Variants in CDKL1 observed in about 807,000 individuals in gnomAD.
CDKL1 encodes cyclin dependent kinase like 1.
In CDKL1, 41 loss-of-function variants were observed where a neutral mutation model predicts 42.0. The ratio of observed to expected loss-of-function variants is 0.98; its 90% CI spans 0.76 to 1.27. The LOEUF (loss-of-function observed/expected upper bound fraction) is 1.27, where lower values mean the gene tolerates loss of function less well. Among genes scored for constraint, CDKL1 ranks in the 50% most tolerant of loss-of-function variants. CDKL1 has a pLI of 0.00. For missense variants in CDKL1, 394 were observed against 428.4 expected, an observed-to-expected ratio of 0.92 and a Z score of 0.71; for synonymous variants, 153 against 158.6, an observed-to-expected ratio of 0.96 and a Z score of 0.26.
chr14:50,362,958 C>A (rs763305341), intron 2 of CDKL1: 1 of 464,900 alleles, frequency 2.2e-6, no homozygotes, highest in African/African-American at 2.0e-5. Context: ...CTGCTGCTCA[C>A]GCTTTGGGTC....
intron 6 of CDKL1, among the ~76,000 whole-genome samples, chr14:50,340,700 CCATGAAAG>C (rs1383257627): frequency 6.6e-6 from 1 of 152,110 alleles, no homozygotes; most frequent in Non-Finnish European, 1.5e-5. Context: ...ACAAGGTAAA[CCATGAAAG>C]CATTCTGTAA....
chr14:50,372,558 A>C (rs1176193594), intron 2 of CDKL1, among the ~76,000 whole-genome samples: 1 of 152,188 alleles, frequency 6.6e-6, no homozygotes, highest in South Asian at 2.1e-4. Context: ...ATGTAATCCA[A>C]ATTGTCCATT....
intron 7 of CDKL1, chr14:50,336,248 GC>G: frequency 1.6e-6 from 2 of 1,284,208 alleles, no homozygotes; most frequent in Non-Finnish European, 2.0e-6. Context: ...AACCAGTGCA[GC>G]CCCCGCACTG....
At position 50,332,310 on chromosome 14, in the gene CDKL1, C is replaced by G; in HGVS notation, c.918G>C (p.Lys306Asn). Residue 306 changes from lysine to asparagine, a missense_variant, in exon 9 of 10, where the codon AAG (lysine) becomes AAC (asparagine). Lys to Asn is a moderately conservative substitution (Grantham distance 94, BLOSUM62 0). Coordinates refer to ENST00000395834, the MANE Select transcript of CDKL1 (RefSeq NM_004196.7). Reference sequence around the variant, plus strand: ...GGTGCTTTCGGCTCTTTCTTAGGGTCTTCCTTGTTGGTTTGTTGTGTTCTT... The same window carrying G: ...GGTGCTTTCGGCTCTTTCTTAGGGTGTTCCTTGTTGGTTTGTTGTGTTCTT... ...LAKEHNKPTR[K>N]TLRKSRKHHC... The G allele has an allele frequency of 6.2e-7, 1 of 1,614,118 alleles. No homozygotes were observed. Among genetic ancestry groups the G allele is most frequent in the Non-Finnish European group, 8.5e-7 (1 of 1,180,008 alleles).
chr14:50,330,193 A>T lies in CDKL1; in HGVS notation c.967-12T>A. On this transcript the variant is annotated splice_polypyrimidine_tract_variant and intron_variant, in intron 9 of 9. Transcript: ENST00000395834. ...GGTAGGTACTGCAACTAAAAATGCA[A>T]AACACAGAATTAGGTTCAAAACTGT... 6.3e-7 allele frequency: 1 copy of T among 1,598,544 alleles called. No individual in the cohort carries two copies. Among genetic ancestry groups the T allele is most frequent in the Non-Finnish European group, 8.5e-7 (1 of 1,176,944 alleles).
chr14:50,354,377 T>C (rs2033994449), intron 3 of CDKL1, among the ~76,000 whole-genome samples: 1 of 152,226 alleles, frequency 6.6e-6, no homozygotes, highest in Non-Finnish European at 1.5e-5. Context: ...TGCAGTAATG[T>C]ACATTACCCA....
At chr14:50,342,921 G>A (rs765638794) in intron 4 of CDKL1, 22 of 1,345,056 alleles carry the variant, frequency 1.6e-5, no homozygotes, top group Middle Eastern at 2.1e-4. Context: ...GGGGAGAGTC[G>A]CTAGATGTCA....
intron 3 of CDKL1, among the ~76,000 whole-genome samples, chr14:50,351,445 T>G (rs2033898973): frequency 6.6e-6 from 1 of 151,914 alleles, no homozygotes; most frequent in Non-Finnish European, 1.5e-5. Context: ...TAAAATGAGT[T>G]GGGGTGGGGC....
rs57657571 is a variant in CDKL1 at position 50,329,036 on chromosome 14, C to CATATATATATATATATATATAT, written c.*1016_*1037dup. 1 of 140,564 alleles carries CATATATATATATATATATATAT rather than the reference C, an allele frequency of 7.1e-6. No homozygotes were observed. The highest frequency in any genetic ancestry group is 1.5e-5 in the Non-Finnish European group (1 of 65,156). The allele number at this position is 140,564 out of a possible 1,614,324, so 8.7% of individuals were successfully genotyped here. A position where few individuals can be genotyped will look rare whatever the true frequency, so the allele number is the denominator to read the frequency against. On this transcript the variant is annotated 3_prime_UTR_variant, in exon 10 of 10. Coordinates refer to ENST00000395834, the MANE Select transcript of CDKL1 (RefSeq NM_004196.7). ...TGTAATATATTAGTTGTTAGAATAG[C>CATATATATATATATATATATAT]ATATATATATATATATATATATATA...
At chr14:50,382,542 CTCCT>C (rs60843582) in intron 2 of CDKL1, among the ~76,000 whole-genome samples, 44 of 144,920 alleles carry the variant, frequency 3.0e-4, no homozygotes, top group African/African-American at 8.0e-4. Context: ...ATAAAAATTA[CTCCT>C]TCCTTCCTTC....
At chr14:50,342,967 G>T in intron 4 of CDKL1, 1 of 1,357,298 alleles carries the variant, frequency 7.4e-7, no homozygotes, top group Non-Finnish European at 9.8e-7. Context: ...GAGAGCTGCA[G>T]CCACCCCTCG....
chr14:50,370,362 C>T (rs2034557588), intron 2 of CDKL1, among the ~76,000 whole-genome samples: 1 of 152,242 alleles, frequency 6.6e-6, no homozygotes. Context: ...AGCCCCTGCA[C>T]TCAGCCTCTC....
At chr14:50,382,942 T>TCC (rs2034961617) in intron 2 of CDKL1, among the ~76,000 whole-genome samples, 1 of 151,226 alleles carries the variant, frequency 6.6e-6, no homozygotes, top group African/African-American at 2.4e-5. Context: ...TTTTTTTTTT[T>TCC]TTTGAGACGG....
chr14:50,388,986 T>C (rs1216736726), intron 2 of CDKL1, among the ~76,000 whole-genome samples: 1 of 150,892 alleles, frequency 6.6e-6, no homozygotes, highest in Non-Finnish European at 1.5e-5. Flanking sequence ...TAGTCCTATC[T>C]ACTGGGGGAG....
At chr14:50,335,392 G>A in intron 7 of CDKL1, 1 of 1,202,700 alleles carries the variant, frequency 8.3e-7, no homozygotes, top group South Asian at 1.3e-5. Context: ...GTGAACAGAT[G>A]CTTCTTGATT....
chr14:50,361,821 G>A (rs1361537335), intron 2 of CDKL1, among the ~76,000 whole-genome samples: 2 of 152,358 alleles, frequency 1.3e-5, no homozygotes, highest in East Asian at 3.9e-4. Context: ...GCTCGCTCTC[G>A]GCGCCTTCTC....
chr14:50,374,701 C>G (rs1268164362), intron 2 of CDKL1, among the ~76,000 whole-genome samples: 1 of 152,174 alleles, frequency 6.6e-6, no homozygotes, highest in Non-Finnish European at 1.5e-5. Context: ...AGAAATAACT[C>G]TAGATACATG....
chr14:50,395,528 G>A (rs916368191), intron 2 of CDKL1, among the ~76,000 whole-genome samples, 173 bp downstream of exon 2: 1 of 152,090 alleles, frequency 6.6e-6, no homozygotes, highest in African/African-American at 2.4e-5. Flanking sequence ...GGATCCCGGA[G>A]CAGTGGCTAG....
intron 2 of CDKL1, among the ~76,000 whole-genome samples, chr14:50,377,969 A>G (rs1023207850): frequency 6.6e-6 from 1 of 152,210 alleles, no homozygotes; most frequent in Non-Finnish European, 1.5e-5. Flanking sequence ...AAAGGGCAGC[A>G]GAGCTACAAA....
Sources: allele counts gnomAD v4.1 joint callset (sites outside exome capture counted in the v4.1 genomes callset), GRCh38; gene constraint gnomAD v4.1.1; transcripts MANE v1.5; gene names NCBI Gene and HGNC (gene_info 2026-07-23, HGNC 2026-07-21).